Variants in PRSS23 observed in about 807,000 individuals in gnomAD.
PRSS23 encodes the protein protease, serine 23.
In PRSS23, 25 loss-of-function variants were observed where a neutral mutation model predicts 34.7. The ratio of observed to expected loss-of-function variants is 0.72; its 90% CI spans 0.53 to 1.01. The LOEUF is 1.01. PRSS23 is among the 50% of genes least tolerant of loss of function. The pLI, the probability that PRSS23 is intolerant of heterozygous loss-of-function variation, is 0.00. For missense variants in PRSS23, 445 were observed against 475.6 expected, an observed-to-expected ratio of 0.94 and a Z score of 0.60; for synonymous variants, 176 against 186.6, an observed-to-expected ratio of 0.94 and a Z score of 0.46.
rs59624601 is a variant in PRSS23, at chr11:86,928,707, T to TATA, written c.207-22509_207-22508insATA. Among the ~76,000 whole-genome samples the TATA allele has an allele frequency of 6.2e-4, 41 of 65,894 alleles. 1 individual carries two copies. Among genetic ancestry groups the TATA allele is most frequent in the African/African-American group, 9.3e-4 (17 of 18,344 alleles). 43.2% of individuals were successfully genotyped at this position (65,894 alleles called of 152,430 possible). ...AAAAAAAAAAAAAAAAAAAAAAAAA[T>TATA]TGGCAAGACATATACAGCATATAAT... On this transcript the variant is annotated intron_variant, in intron 2 of 2. Transcript: ENST00000533902.
intron 2 of PRSS23, among the ~76,000 whole-genome samples, chr11:86,849,540 C>T (rs1040863083): frequency 1.4e-4 from 21 of 152,128 alleles, no homozygotes; most frequent in Non-Finnish European, 1.9e-4. Flanking sequence ...CCTTATCAAA[C>T]GCAATATCCC....
chr11:86,887,845 C>A (rs142305734), intron 2 of PRSS23, among the ~76,000 whole-genome samples: 1 of 151,920 alleles, frequency 6.6e-6, no homozygotes, highest in Non-Finnish European at 1.5e-5. Context: ...TGAGGTCAGG[C>A]GTTCGAGACC....
intron 2 of PRSS23, among the ~76,000 whole-genome samples, chr11:86,885,133 T>G (rs1948794256): frequency 6.6e-6 from 1 of 152,208 alleles, no homozygotes; most frequent in Admixed American, 6.5e-5. Flanking sequence ...ATTCGGTGAT[T>G]AAATCTCCAT....
intron 1 of PRSS23, among the ~76,000 whole-genome samples, chr11:86,818,609 T>C (rs1349750193): frequency 6.6e-6 from 1 of 152,226 alleles, no homozygotes; most frequent in Non-Finnish European, 1.5e-5. Context: ...AAAAAATCTT[T>C]CCCCGAGGCA....
chr11:86,825,331 G>T (rs557344963), intron 2 of PRSS23, among the ~76,000 whole-genome samples: 3 of 151,852 alleles, frequency 2.0e-5, no homozygotes, highest in Non-Finnish European at 4.4e-5. Flanking sequence ...GGGGTTGTTT[G>T]TTTTTTTCTT....
At chr11:86,843,980 C>T (rs368448211) in intron 2 of PRSS23, among the ~76,000 whole-genome samples, 18 of 152,214 alleles carry the variant, frequency 1.2e-4, no homozygotes, top group African/African-American at 3.6e-4. Flanking sequence ...TTTATTGTGG[C>T]ACTATTCACA....
At chr11:86,914,208 A>G (rs1342807874) in intron 2 of PRSS23, among the ~76,000 whole-genome samples, 2 of 152,172 alleles carry the variant, frequency 1.3e-5, no homozygotes, top group Non-Finnish European at 1.5e-5. Flanking sequence ...CCTGGGTGAC[A>G]GAGTGAGACT....
intron 2 of PRSS23, chr11:86,832,608 G>T: frequency 4.0e-6 from 2 of 494,946 alleles, no homozygotes; most frequent in South Asian, 1.5e-5. Flanking sequence ...TTCAGCATGG[G>T]GGTGATCACC....
intron 2 of PRSS23, among the ~76,000 whole-genome samples, chr11:86,848,026 C>G (rs1590892334): frequency 6.6e-6 from 1 of 152,160 alleles, no homozygotes; most frequent in South Asian, 2.1e-4. Flanking sequence ...GGAAAGAGAA[C>G]GTAAACTCCG....
At chr11:86,952,386 C>T (rs919205099) in exon 3 of PRSS23, 4 of 1,614,204 alleles carry the variant, frequency 2.5e-6, no homozygotes, top group Non-Finnish European at 3.4e-6. Context: ...CGTCTCTTGA[C>T]TGAAAGACAC....
intron 2 of PRSS23, chr11:86,833,017 A>G: frequency 2.3e-6 from 1 of 434,956 alleles, no homozygotes; most frequent in South Asian, 2.1e-5. Context: ...AAAAAAAAAC[A>G]CAAAACTAGG....
intron 2 of PRSS23, among the ~76,000 whole-genome samples, chr11:86,939,403 A>ATAT (rs1555083964): frequency 4.1e-4 from 33 of 80,546 alleles, no homozygotes; most frequent in African/African-American, 8.7e-4. Context: ...TAAAAAAAAA[A>ATAT]ATATATATAT....
chr11:86,860,776 G>A (rs1019177094), intron 2 of PRSS23, among the ~76,000 whole-genome samples: 3 of 151,870 alleles, frequency 2.0e-5, no homozygotes, highest in Non-Finnish European at 4.4e-5. Flanking sequence ...ATCCCAGGGC[G>A]GGGAAGACAA....
intron 1 of PRSS23, among the ~76,000 whole-genome samples, chr11:86,801,874 G>T (rs1948043024): frequency 6.6e-6 from 1 of 152,212 alleles, no homozygotes; most frequent in Non-Finnish European, 1.5e-5. Context: ...TGTTTCACTT[G>T]CAGTTTTCCT....
At chr11:86,797,632 T>C (rs531502703), upstream of PRSS23, among the ~76,000 whole-genome samples, 6 of 152,134 alleles carry the variant, frequency 3.9e-5, no homozygotes, top group Non-Finnish European at 7.4e-5. Context: ...TCCATGACTC[T>C]AACTTGAAAC....
At chr11:86,799,680 C>T (rs1284296392), upstream of PRSS23, among the ~76,000 whole-genome samples, 1 of 152,088 alleles carries the variant, frequency 6.6e-6, no homozygotes, top group Non-Finnish European at 1.5e-5. Flanking sequence ...GAGGACTCCC[C>T]GCACACCCCC....
intron 2 of PRSS23, among the ~76,000 whole-genome samples, chr11:86,851,076 C>T (rs1208439031): frequency 6.6e-6 from 1 of 152,178 alleles, no homozygotes; most frequent in Non-Finnish European, 1.5e-5. Context: ...CACCCCTTGC[C>T]ATACAGATAA....
At chr11:86,938,485 T>C (rs1949179301) in intron 2 of PRSS23, among the ~76,000 whole-genome samples, 1 of 151,830 alleles carries the variant, frequency 6.6e-6, no homozygotes, top group Non-Finnish European at 1.5e-5. Context: ...CAGAGAACAC[T>C]GAAACAGCCT....
At chr11:86,841,231 C>G (rs180826428) in intron 2 of PRSS23, among the ~76,000 whole-genome samples, 183 of 150,848 alleles carry the variant, frequency 1.2e-3, no homozygotes, top group Admixed American at 2.7e-3. Flanking sequence ...CCCAGCTACT[C>G]AGGAGGCTAA....
Sources: gnomAD v4.1 joint callset for allele counts (sites outside exome capture counted in the v4.1 genomes callset) on GRCh38, gnomAD v4.1.1 for gene constraint, MANE v1.5 for transcripts, NCBI Gene and HGNC (gene_info 2026-07-23, HGNC 2026-07-21) for gene names.